Variants in EYS observed in about 807,000 individuals in gnomAD.
EYS encodes the protein protein eyes shut homolog.
Under a neutral mutation model 282.1 loss-of-function variants are expected in EYS, and 250 were observed. That is an observed-to-expected ratio of 0.89 (90% CI 0.80 to 0.98). The LOEUF (loss-of-function observed/expected upper bound fraction) is 0.98, where lower values mean the gene tolerates loss of function less well. Among genes scored for constraint, EYS ranks in the 50% least tolerant of loss-of-function variants. The pLI is 0.00. For missense variants in EYS, 4,016 were observed against 3,709.0 expected (o/e 1.08, Z -2.15); for synonymous variants, 1,355 against 1,282.9 (o/e 1.06, Z -1.20).
intron 30 of EYS, among the ~76,000 whole-genome samples, chr6:64,292,019 C>A (rs1181037702): frequency 6.6e-6 from 1 of 152,052 alleles, no homozygotes; most frequent in Non-Finnish European, 1.5e-5. Context: ...ATTATTGTCT[C>A]CACTTTATTG....
intron 12 of EYS, among the ~76,000 whole-genome samples, chr6:65,153,969 A>G (rs1046843657): frequency 6.6e-6 from 1 of 151,844 alleles, no homozygotes; most frequent in Non-Finnish European, 1.5e-5. Context: ...GCAATTAGCT[A>G]ATAATTGTCT....
At chr6:63,997,767 C>T (rs1006691343) in intron 34 of EYS, among the ~76,000 whole-genome samples, 3 of 152,136 alleles carry the variant, frequency 2.0e-5, no homozygotes, top group African/African-American at 2.4e-5. Flanking sequence ...ATTTATTGAG[C>T]ACTTACTGGA....
chr6:64,320,927 T>C (rs1770195432), intron 29 of EYS, among the ~76,000 whole-genome samples: 1 of 151,796 alleles, frequency 6.6e-6, no homozygotes, highest in African/African-American at 2.4e-5. Context: ...AAATATGCTA[T>C]TTTTAAACGA....
At chr6:64,011,858 T>TA (rs1428419720) in intron 33 of EYS, among the ~76,000 whole-genome samples, 32 of 152,218 alleles carry the variant, frequency 2.1e-4, no homozygotes, top group Non-Finnish European at 3.8e-4. Context: ...TTGATGATGA[T>TA]ACTGAATGCT....
intron 22 of EYS, among the ~76,000 whole-genome samples, chr6:64,686,803 A>G (rs865929197): frequency 2.5e-4 from 12 of 47,790 alleles, no homozygotes; most frequent in African/African-American, 6.9e-4. Context: ...GTATATATAT[A>G]TGTGTGTATA....
chr6:64,533,219 T>C (rs1234556289), intron 26 of EYS, among the ~76,000 whole-genome samples: 1 of 152,030 alleles, frequency 6.6e-6, no homozygotes, highest in Non-Finnish European at 1.5e-5. Context: ...TGTAGAATAA[T>C]GACAAATAGC....
intron 1 of EYS, among the ~76,000 whole-genome samples, chr6:65,691,366 C>T (rs547437452): frequency 2.7e-5 from 4 of 150,124 alleles, no homozygotes; most frequent in Non-Finnish European, 5.9e-5. Context: ...AATTGTTGGC[C>T]GCATAAATAT....
chr6:64,921,543 G>T (rs1768347200), intron 15 of EYS, among the ~76,000 whole-genome samples: 1 of 152,172 alleles, frequency 6.6e-6, no homozygotes, highest in African/African-American at 2.4e-5. Flanking sequence ...CTATGATCCT[G>T]CTTCTTGATG....
intron 22 of EYS, among the ~76,000 whole-genome samples, chr6:64,706,423 A>G (rs1279850903): frequency 1.3e-5 from 2 of 152,172 alleles, no homozygotes; most frequent in Non-Finnish European, 2.9e-5. Flanking sequence ...ATGACCAAGT[A>G]CCCAAAAGCA....
rs141099596 is a variant in EYS at position 64,164,470 on chromosome 6, T to C, written c.6424+66122A>G. Among the ~76,000 whole-genome samples, 593 of 152,234 alleles carry C rather than the reference T, an allele frequency of 3.9e-3. 3 individuals are homozygous for C. Among genetic ancestry groups the C allele is most frequent in the African/African-American group, 0.013 (556 of 41,562 alleles). Reference sequence around the variant, plus strand: ...ACTACTAAAGCACACCTGAGTTTTATATGCTTAAATCGTACTGGTAATTCT... The same window carrying C: ...ACTACTAAAGCACACCTGAGTTTTACATGCTTAAATCGTACTGGTAATTCT... On this transcript the variant is annotated intron_variant, in intron 31 of 42. Coordinates refer to ENST00000503581, the MANE Select transcript of EYS (RefSeq NM_001142800.2).
At chr6:64,815,314 T>C (rs1412079550) in intron 21 of EYS, 1 of 346,446 alleles carries the variant, frequency 2.9e-6, no homozygotes, top group African/African-American at 2.2e-5. Flanking sequence ...AATGCAGAAT[T>C]CCACAGGGAG....
chr6:65,412,847 T>G (rs180880747), intron 5 of EYS, among the ~76,000 whole-genome samples: 4 of 152,238 alleles, frequency 2.6e-5, no homozygotes, highest in Non-Finnish European at 4.4e-5. Context: ...ATCTATTTAG[T>G]TTTTCTTTTA....
At chr6:63,977,426 C>A (rs975458635) in intron 35 of EYS, among the ~76,000 whole-genome samples, 9 of 151,976 alleles carry the variant, frequency 5.9e-5, no homozygotes, top group Non-Finnish European at 1.0e-4. Flanking sequence ...GGAGATGCTT[C>A]CTGATCGCAA....
intron 14 of EYS, among the ~76,000 whole-genome samples, chr6:64,984,299 G>A (rs1226990202): frequency 2.0e-5 from 3 of 151,316 alleles, no homozygotes; most frequent in African/African-American, 7.3e-5. Context: ...TTCTTCTAAA[G>A]GAGCAGAGAG....
chr6:64,826,025 A>G (rs1460046444), intron 19 of EYS, among the ~76,000 whole-genome samples: 1 of 151,902 alleles, frequency 6.6e-6, no homozygotes, highest in Admixed American at 6.6e-5. Flanking sequence ...AGTATTTATT[A>G]GACATGATCA....
In EYS at chr6:63,721,513, C is replaced by A; in HGVS notation, c.8518G>T (p.Glu2840Ter). Residue 2840 changes from glutamate to a stop codon, truncating the protein, a stop_gained, in exon 43 of 43, where the codon GAA becomes TAA. Coordinates refer to ENST00000503581, the MANE Select transcript of EYS (RefSeq NM_001142800.2). LOFTEE classifies it low-confidence loss of function (END_TRUNC). ...NLVNPMAIEN[E>*]PVGFQGCIRQ... ...ATACAGCCTTGAAAACCTACAGGTT[C>A]ATTTTCTATTGCCATGGGATTTACA... 1 of 1,551,202 alleles carries A rather than the reference C, an allele frequency of 6.4e-7. No individual in the cohort carries two copies. The highest frequency in any genetic ancestry group is 1.4e-5 in the African/African-American group (1 of 73,138).
chr6:65,020,452 CCA>C (rs1772214475), intron 13 of EYS, among the ~76,000 whole-genome samples: 3 of 152,162 alleles, frequency 2.0e-5, no homozygotes, highest in Non-Finnish European at 4.4e-5. Context: ...CTCCTTTGCT[CCA>C]TGTCTCACAT....
chr6:64,441,860 C>T (rs770776799), intron 26 of EYS, among the ~76,000 whole-genome samples: 1 of 152,148 alleles, frequency 6.6e-6, no homozygotes, highest in Non-Finnish European at 1.5e-5. Flanking sequence ...GTCCAATAAA[C>T]CTCTTTCTTT....
intron 11 of EYS, among the ~76,000 whole-genome samples, chr6:65,328,518 T>C (rs1769686271): frequency 1.3e-5 from 2 of 151,286 alleles, no homozygotes; most frequent in Admixed American, 6.6e-5. Context: ...TAGTAACCTA[T>C]AAATGTTACT....
Sources: allele counts gnomAD v4.1 joint callset (sites outside exome capture counted in the v4.1 genomes callset), GRCh38; gene constraint gnomAD v4.1.1; transcripts MANE v1.5; gene names NCBI Gene and HGNC (gene_info 2026-07-23, HGNC 2026-07-21).